The following HHLA2 variants were observed in gnomAD, a reference collection of about 807,000 sequenced individuals.
HHLA2 encodes the protein HERV-H LTR-associating protein 2.
HHLA2 carries 48 observed loss-of-function variants against 45.9 expected under a neutral mutation model. The ratio of observed to expected loss-of-function variants is 1.05; its 90% confidence interval spans 0.83 to 1.33. The LOEUF (loss-of-function observed/expected upper bound fraction) is 1.33, where lower values mean the gene tolerates loss of function less well. Ranked by LOEUF, HHLA2 falls within the 40% of genes most tolerant of loss-of-function variation. The pLI is 0.00. For missense variants in HHLA2, 462 were observed against 494.3 expected (o/e 0.93, Z 0.62); for synonymous variants, 161 against 173.9 (o/e 0.93, Z 0.59).
chr3:108,313,059 A>G (rs534775003), intron 2 of HHLA2, among the ~76,000 whole-genome samples: 2 of 152,218 alleles, frequency 1.3e-5, no homozygotes, highest in African/African-American at 2.4e-5. Context: ...GCTAGTTTTC[A>G]TGGCAAAAGG....
intron 8 of HHLA2, among the ~76,000 whole-genome samples, chr3:108,371,325 A>AG (rs2082166962): frequency 6.6e-6 from 1 of 152,224 alleles, no homozygotes; most frequent in South Asian, 2.1e-4. Context: ...TCCTGAAGAA[A>AG]GCACTAAACA....
intron 3 of HHLA2, among the ~76,000 whole-genome samples, chr3:108,338,533 G>A (rs1032853501): frequency 5.9e-5 from 9 of 152,070 alleles, no homozygotes; most frequent in Admixed American, 1.3e-4. Flanking sequence ...CTTCCTGTTC[G>A]CTTCTCATCA....
intron 4 of HHLA2, among the ~76,000 whole-genome samples, chr3:108,352,858 G>C (rs1055635121): frequency 3.3e-5 from 5 of 152,126 alleles, no homozygotes; most frequent in Admixed American, 6.5e-5. Flanking sequence ...GCAAATGAAT[G>C]ACTCTCTTTC....
At chr3:108,335,154 ATGTT>A (rs2081449655) in intron 3 of HHLA2, among the ~76,000 whole-genome samples, 2 of 152,184 alleles carry the variant, frequency 1.3e-5, no homozygotes, top group South Asian at 4.1e-4. Context: ...GTGCATGAAG[ATGTT>A]TGAGTTTTAG....
chr3:108,301,486 T>C (rs1560177005), intron 1 of HHLA2, among the ~76,000 whole-genome samples: 3 of 152,268 alleles, frequency 2.0e-5, no homozygotes, highest in Non-Finnish European at 4.4e-5. Context: ...CAGTCTTTTT[T>C]ATTAAGGTAA....
At chr3:108,321,517 G>A (rs1198712675) in intron 2 of HHLA2, among the ~76,000 whole-genome samples, 1 of 152,100 alleles carries the variant, frequency 6.6e-6, no homozygotes, top group Non-Finnish European at 1.5e-5. Context: ...TCATGCTGTT[G>A]CAAAGTCTGA....
chr3:108,326,868 G>A (rs2081298562), intron 2 of HHLA2: 1 of 152,240 alleles, frequency 6.6e-6, no homozygotes, highest in Non-Finnish European at 1.5e-5. Flanking sequence ...CATCCATGGG[G>A]AGAAAGCTAG....
intron 3 of HHLA2, among the ~76,000 whole-genome samples, chr3:108,347,062 G>C (rs567219337): frequency 1.3e-5 from 2 of 152,256 alleles, no homozygotes; most frequent in African/African-American, 4.8e-5. Context: ...GGGCCCTTTT[G>C]TAAGGGTGCT....
chr3:108,349,755 G>A (rs2081743379), intron 3 of HHLA2, among the ~76,000 whole-genome samples: 1 of 152,156 alleles, frequency 6.6e-6, no homozygotes, highest in African/African-American at 2.4e-5. Flanking sequence ...GATGTTAATG[G>A]GTTGGTTGAG....
At position 108,340,908 on chromosome 3, in the gene HHLA2, TTTCCTTCC is replaced by T. The variant is rs1198848913; in HGVS notation, c.-26-10845_-26-10838del. On this transcript the variant is annotated intron_variant, in intron 3 of 10. Transcript: ENST00000619531. ...CCAAACTCTTTTCTTTTTTTTTTTT[TTTCCTTCC>T]TTCCTTCCTTCCTTCCTTCCTTCCT... Among the ~76,000 whole-genome samples the T allele has an allele frequency of 2.9e-3, 170 of 59,408 alleles. 9 individuals are homozygous for T. The highest frequency in any genetic ancestry group is 9.4e-3 in the Middle Eastern group (1 of 106). 39.0% of individuals were successfully genotyped at this position (59,408 alleles called of 152,430 possible). A position where few individuals can be genotyped will look rare whatever the true frequency, so the allele number is the denominator to read the frequency against.
chr3:108,340,910 TCC>T (rs35293814), intron 3 of HHLA2, among the ~76,000 whole-genome samples: 38,093 of 68,836 alleles, frequency 0.55, 11,505 homozygotes, highest in Non-Finnish European at 0.64. Flanking sequence ...TTTTTTTTTT[TCC>T]TTCCTTCCTT....
intron 3 of HHLA2, 63 bp from the exon 3 acceptor site, chr3:108,351,725 T>C: frequency 3.0e-6 from 3 of 983,702 alleles, no homozygotes; most frequent in Non-Finnish European, 4.7e-6. Context: ...AATGTACCAC[T>C]CTTTTCCAAT....
In HHLA2 at chr3:108,362,297, T is replaced by C. The variant is rs1054171970; in HGVS notation, c.1004-45T>C. On this transcript the variant is annotated intron_variant, in intron 7 of 10. Transcript: ENST00000619531. Reference sequence around the variant, plus strand: ...CACCCACACATTTCTTATCTGGTAATTTTTCTTCCAGTTCACAGACTTTGT... The same window carrying C: ...CACCCACACATTTCTTATCTGGTAACTTTTCTTCCAGTTCACAGACTTTGT... 7 of 1,428,058 alleles carry C rather than the reference T, an allele frequency of 4.9e-6. No individual in the cohort carries two copies. In the African/African-American group the frequency reaches 8.6e-5, roughly 17 times the overall value. 88.5% of individuals were successfully genotyped at this position (1,428,058 alleles called of 1,614,324 possible).
chr3:108,377,370 G>A (rs1438988188), exon 11 of HHLA2: 3 of 921,964 alleles, frequency 3.3e-6, no homozygotes, highest in Non-Finnish European at 5.2e-6. Context: ...CCAGGCAATG[G>A]CCTGTCGGAG....
At chr3:108,325,805 C>T in intron 2 of HHLA2, 1 of 319,180 alleles carries the variant, frequency 3.1e-6, no homozygotes, top group South Asian at 3.2e-5. Context: ...TCCTCTACTA[C>T]CAAAGTTGTC....
At chr3:108,338,388 T>G (rs1193044993) in intron 3 of HHLA2, among the ~76,000 whole-genome samples, 1 of 152,090 alleles carries the variant, frequency 6.6e-6, no homozygotes, top group Non-Finnish European at 1.5e-5. Flanking sequence ...TTACATAGAA[T>G]AGCAGGTTAC....
At chr3:108,326,836 T>G (rs2081297978) in intron 2 of HHLA2, 1 of 152,332 alleles carries the variant, frequency 6.6e-6, no homozygotes, top group Non-Finnish European at 1.5e-5. Context: ...AAAGAGAGAC[T>G]TTAATGATGC....
intron 8 of HHLA2, among the ~76,000 whole-genome samples, chr3:108,368,147 C>A (rs903120486): frequency 1.3e-5 from 2 of 152,060 alleles, no homozygotes; most frequent in African/African-American, 2.4e-5. Context: ...CCTTTACAGA[C>A]AAGCAAATGC....
At chr3:108,372,169 A>T (rs1368135450) in intron 8 of HHLA2, among the ~76,000 whole-genome samples, 1 of 152,234 alleles carries the variant, frequency 6.6e-6, no homozygotes, top group East Asian at 1.9e-4. Flanking sequence ...AGGATTAAGA[A>T]ATTCACTCAA....
Sources: allele counts gnomAD v4.1 joint callset (sites outside exome capture counted in the v4.1 genomes callset), GRCh38; gene constraint gnomAD v4.1.1; transcripts MANE v1.5; gene names NCBI Gene and HGNC (gene_info 2026-07-23, HGNC 2026-07-21).